SYNE1: variants seen among roughly 807,000 people sequenced by gnomAD.
SYNE1 encodes the protein spectrin repeat containing nuclear envelope protein 1, also known as nesprin-1.
Under a neutral mutation model 1,111.0 loss-of-function variants are expected in SYNE1, and 616 were observed. The observed-to-expected ratio is 0.55, with a 90% CI of 0.52 to 0.59. The LOEUF is 0.59. SYNE1 is among the 20% of genes least tolerant of loss of function. The pLI is 0.00. For synonymous variants in SYNE1, 3,855 were observed against 3,825.8 expected (o/e 1.01, Z -0.28); for missense variants, 10,006 against 10,417.0 (o/e 0.96, Z 1.72).
intron 3 of SYNE1, among the ~76,000 whole-genome samples, chr6:152,610,556 G>A (rs1389011676): frequency 3.3e-5 from 5 of 152,242 alleles, no homozygotes; most frequent in Non-Finnish European, 7.3e-5. Flanking sequence ...ATGGAACCAA[G>A]TTGGAAAACA....
chr6:152,349,640 T>TCTGA (rs2096707274), intron 72 of SYNE1, among the ~76,000 whole-genome samples: 4 of 152,244 alleles, frequency 2.6e-5, no homozygotes, highest in African/African-American at 7.2e-5. Context: ...AATATCAAGT[T>TCTGA]CAATTGTTGT....
intron 122 of SYNE1, 33 bp downstream of exon 122, chr6:152,214,873 T>C (rs763894624): frequency 6.2e-7 from 1 of 1,613,636 alleles, no homozygotes; most frequent in Non-Finnish European, 8.5e-7. Flanking sequence ...CTAAGACAAC[T>C]GGAGCAACCA....
chr6:152,485,601 A>C (rs2098935000), intron 12 of SYNE1, among the ~76,000 whole-genome samples: 1 of 152,198 alleles, frequency 6.6e-6, no homozygotes, highest in Non-Finnish European at 1.5e-5. Flanking sequence ...ATGTAGACTT[A>C]ACTATAAGCT....
chr6:152,166,216 G>C (rs1013630055), intron 130 of SYNE1, among the ~76,000 whole-genome samples: 14 of 152,178 alleles, frequency 9.2e-5, no homozygotes, highest in Admixed American at 3.9e-4. Flanking sequence ...TCCTTGGAAA[G>C]CTGGAAATGT....
At chr6:152,339,769 G>A (rs1489828323) in intron 74 of SYNE1, among the ~76,000 whole-genome samples, 1 of 152,216 alleles carries the variant, frequency 6.6e-6, no homozygotes, top group East Asian at 1.9e-4. Context: ...TGAGTTGGTA[G>A]GTTTCATTGG....
At chr6:152,368,657 C>T (rs1238945515) in intron 61 of SYNE1, 3 of 293,378 alleles carry the variant, frequency 1.0e-5, no homozygotes, top group Non-Finnish European at 1.3e-5. Flanking sequence ...TGATTTGAGT[C>T]TTCCAAATCA....
Position 152,347,069 on chromosome 6 carries a change from G to C in SYNE1, c.12068C>G (p.Thr4023Arg), listed in dbSNP as rs1339619934. ...TCTGGGGGCACTCACCCTCTGAGCT[G>C]TGCTGCAGATCGCTGAGTAGCTGTC... is the stretch of plus-strand genomic sequence containing the variant. ...TKDSYSAICSTAQRMYQSLEH... is the reference protein window; with the variant it reads ...TKDSYSAICSRAQRMYQSLEH... The change falls in exon 73 of 146, where the codon ACA (threonine) becomes AGA (arginine). Residue 4023 changes from threonine (T) to arginine (R), a missense_variant. This residue lies in a region of SYNE1 where 4,955 missense variants were observed against 5,017.2 expected (regional missense o/e 0.99). Transcript: ENST00000367255. The C allele has an allele frequency of 3.3e-5, 53 of 1,614,078 alleles. No homozygotes were observed. In the Admixed American group the frequency reaches 8.8e-4, roughly 27 times the overall value.
rs1452652561 is a variant in SYNE1, at chr6:152,135,210, CCATGGCTCATTT to C, written c.25670_25681del (p.Glu8557_His8560del). 2 of 1,613,954 alleles carry C rather than the reference CCATGGCTCATTT, an allele frequency of 1.2e-6. No homozygotes were observed. Among genetic ancestry groups the C allele is most frequent in the African/African-American group, 2.7e-5 (2 of 74,910 alleles). On this transcript the variant is annotated inframe_deletion, in exon 142 of 146. Coordinates refer to ENST00000367255, the MANE Select transcript of SYNE1 (RefSeq NM_182961.4). Reference sequence around the variant, plus strand: ...AATGTTCTCCAGCATAAGAAGCAAACCATGGCTCATTTCATGGAAACCCTACAGAAAACAGTT... The same window carrying C: ...AATGTTCTCCAGCATAAGAAGCAAACCATGGAAACCCTACAGAAAACAGTT...
At chr6:152,496,548 T>C (rs747775922) in intron 11 of SYNE1, among the ~76,000 whole-genome samples, 6 of 152,138 alleles carry the variant, frequency 3.9e-5, no homozygotes, top group Non-Finnish European at 8.8e-5. Flanking sequence ...TCATTCTATA[T>C]GACAAATGCT....
intron 5 of SYNE1, among the ~76,000 whole-genome samples, chr6:152,521,636 C>T (rs527933464): frequency 6.6e-6 from 1 of 152,290 alleles, no homozygotes; most frequent in African/African-American, 2.4e-5. Context: ...TTCTCCTCCT[C>T]TGTTCATTGG....
intron 17 of SYNE1, 88 bp downstream of exon 17, chr6:152,465,894 C>A: frequency 1.0e-6 from 1 of 992,314 alleles, no homozygotes; most frequent in Non-Finnish European, 1.6e-6. Context: ...ATTCCACGGA[C>A]AGAAAGAATG....
intron 126 of SYNE1, among the ~76,000 whole-genome samples, chr6:152,202,287 C>T (rs1238501562): frequency 7.9e-6 from 1 of 125,792 alleles, no homozygotes; most frequent in Admixed American, 1.1e-4. Flanking sequence ...GCAGAAGTTG[C>T]AGTGAGCTGA....
intron 129 of SYNE1, among the ~76,000 whole-genome samples, chr6:152,179,037 C>A (rs547127895): frequency 1.3e-5 from 2 of 151,558 alleles, no homozygotes; most frequent in East Asian, 3.9e-4. Flanking sequence ...CCTCGGCCTC[C>A]TGAGTAGCCA....
chr6:152,608,504 T>C (rs2099622398), intron 3 of SYNE1, among the ~76,000 whole-genome samples: 1 of 152,220 alleles, frequency 6.6e-6, no homozygotes, highest in South Asian at 2.1e-4. Flanking sequence ...ATATATTTTT[T>C]ATCACAAGGG....
chr6:152,336,636 C>T, intron 76 of SYNE1: 2 of 660,028 alleles, frequency 3.0e-6, no homozygotes, highest in Admixed American at 2.2e-5. Flanking sequence ...TTGCTCGCCT[C>T]CCACTGTGCG....
intron 58 of SYNE1, among the ~76,000 whole-genome samples, chr6:152,375,480 G>A (rs574569936): frequency 1.3e-5 from 2 of 152,126 alleles, no homozygotes; most frequent in Admixed American, 6.5e-5. Flanking sequence ...TGAAATGAGC[G>A]GACATACAGG....
intron 2 of SYNE1, among the ~76,000 whole-genome samples, chr6:152,631,770 A>G (rs1160914747): frequency 6.6e-6 from 1 of 152,102 alleles, no homozygotes; most frequent in Non-Finnish European, 1.5e-5. Context: ...TCCAGAGTGT[A>G]TATCTGAGGA....
rs1314560284 is a variant in SYNE1, at chr6:152,471,985, C to T, written c.1464-220G>A. 15 of 600,756 alleles carry T rather than the reference C, an allele frequency of 2.5e-5. No individual in the cohort carries two copies. In the Admixed American group the frequency reaches 2.7e-4, roughly 11 times the overall value. 37.2% of individuals were successfully genotyped at this position (600,756 alleles called of 1,614,324 possible). ...GATTTAGTTCTTTCCCCTGCCAACA[C>T]ATCTCTCGTCTGTTTCTTTTATAAG... On this transcript the variant is annotated intron_variant, in intron 15 of 145. Coordinates refer to ENST00000367255, the MANE Select transcript of SYNE1 (RefSeq NM_182961.4).
chr6:152,448,504 A>G (rs775889735), intron 28 of SYNE1, among the ~76,000 whole-genome samples: 3 of 152,188 alleles, frequency 2.0e-5, no homozygotes, highest in Non-Finnish European at 4.4e-5. Flanking sequence ...GCATACCATG[A>G]TATTGAGCAC....
Sources: allele counts gnomAD v4.1 joint callset (sites outside exome capture counted in the v4.1 genomes callset), GRCh38; gene constraint gnomAD v4.1.1; regional missense constraint gnomAD v4.1.1; transcripts MANE v1.5; gene names NCBI Gene and HGNC (gene_info 2026-07-23, HGNC 2026-07-21).